The following FNBP1 variants were observed in gnomAD, a reference collection of about 807,000 sequenced individuals.
The protein encoded by FNBP1 is formin binding protein 1.
A neutral mutation model predicts 90.6 loss-of-function variants in FNBP1; 26 were observed. The ratio of observed to expected loss-of-function variants is 0.29; its 90% CI spans 0.21 to 0.40. The LOEUF is 0.40. Among genes scored for constraint, FNBP1 ranks in the 10% least tolerant of loss-of-function variants. The pLI is 1.00. For synonymous variants in FNBP1, 260 were observed against 265.2 expected, an observed-to-expected ratio of 0.98 and a Z score of 0.19; for missense variants, 635 against 768.0, an observed-to-expected ratio of 0.83 and a Z score of 2.05.
chr9:129,889,960 AG>A lies in FNBP1; in HGVS notation c.*578del. The A allele has an allele frequency of 4.2e-6, 1 of 237,532 alleles. No homozygotes were observed. The highest frequency in any genetic ancestry group is 8.3e-6 in the Non-Finnish European group (1 of 120,600). 14.7% of individuals were successfully genotyped at this position (237,532 alleles called of 1,614,324 possible). On this transcript the variant is annotated 3_prime_UTR_variant, in exon 17 of 17. Transcript: ENST00000446176. Reference sequence around the variant, plus strand: ...GCTCCCAGGTTGAGGGCATAGTGAAAGGGTCAATGTTTAGTATGAGGTGCAA... The same window carrying A: ...GCTCCCAGGTTGAGGGCATAGTGAAAGGTCAATGTTTAGTATGAGGTGCAA...
chr9:129,955,528 A>G (rs914146182), intron 6 of FNBP1, among the ~76,000 whole-genome samples: 15 of 149,146 alleles, frequency 1.0e-4, no homozygotes, highest in South Asian at 2.1e-4. Context: ...GAGCCCATAC[A>G]CCACACCAAA....
intron 2 of FNBP1, among the ~76,000 whole-genome samples, chr9:129,980,328 C>T (rs1190513598): frequency 1.3e-5 from 2 of 150,362 alleles, no homozygotes; most frequent in East Asian, 4.0e-4. Context: ...CCATTGCACT[C>T]CAGCCTGGGC....
At chr9:130,043,649 C>A (rs2060013812), upstream of FNBP1, among the ~76,000 whole-genome samples, 1 of 152,234 alleles carries the variant, frequency 6.6e-6, no homozygotes, top group South Asian at 2.1e-4. Context: ...GTCCCGCAGG[C>A]TGGCGCGGTG....
chr9:129,943,273 T>C (rs1028931021), intron 6 of FNBP1, among the ~76,000 whole-genome samples: 2 of 152,170 alleles, frequency 1.3e-5, no homozygotes, highest in Non-Finnish European at 2.9e-5. Flanking sequence ...GCTCCTAGTG[T>C]TTTGCTGATG....
chr9:130,012,405 T>C (rs1463624792), intron 1 of FNBP1, among the ~76,000 whole-genome samples: 2 of 152,072 alleles, frequency 1.3e-5, no homozygotes, highest in Non-Finnish European at 1.5e-5. Flanking sequence ...ATCATCATCA[T>C]TGTCATCAAC....
At chr9:130,036,838 G>A (rs748817829) in intron 1 of FNBP1, among the ~76,000 whole-genome samples, 2 of 152,098 alleles carry the variant, frequency 1.3e-5, no homozygotes, top group Non-Finnish European at 2.9e-5. Flanking sequence ...AAGGTCAGGA[G>A]ATCGAGACCA....
intron 7 of FNBP1, among the ~76,000 whole-genome samples, chr9:129,928,308 A>G (rs1588618658): frequency 6.6e-6 from 1 of 152,340 alleles, no homozygotes; most frequent in South Asian, 2.1e-4. Flanking sequence ...TTAAGTTGGC[A>G]TTTTTATAAC....
rs542595044 is a variant in FNBP1 at position 129,971,734 on chromosome 9, C to T, written c.345+6731G>A. Among the ~76,000 whole-genome samples, 17 of 152,338 alleles carry T rather than the reference C, an allele frequency of 1.1e-4. No homozygotes were observed. The South Asian group carries it at 3.1e-3, about 28-fold the overall frequency. On this transcript the variant is annotated intron_variant, in intron 4 of 16. Coordinates refer to ENST00000446176, the MANE Select transcript of FNBP1 (RefSeq NM_015033.3). ...CTTAAAGATCAAACAGCTGGTAGGG[C>T]TACAAAGGCAAGAATGCCGTACAAC...
At chr9:129,932,629 G>A (rs577541043) in intron 6 of FNBP1, among the ~76,000 whole-genome samples, 9 of 152,038 alleles carry the variant, frequency 5.9e-5, no homozygotes, top group South Asian at 4.2e-4. Context: ...TGGATCTGTC[G>A]GTGCCATTTT....
Position 129,958,542 on chromosome 9 carries a change from A to G in FNBP1, c.357T>C (p.Asp119=). ...CGATGTGCTGCTGTGCTTTACGGCC[A>G]TCGTGAAAGTTCTGCAAAGGGGAAA... ...LKQERKSNFH[D]GRKAQQHIET... Residue 119 remains aspartate (D), a synonymous_variant, in exon 5 of 17, where the codon GAT becomes GAC. Coordinates refer to ENST00000446176, the MANE Select transcript of FNBP1 (RefSeq NM_015033.3). 6.3e-7 allele frequency: 1 copy of G among 1,595,430 alleles called. No homozygotes were observed. Among genetic ancestry groups the G allele is most frequent in the Non-Finnish European group, 8.5e-7 (1 of 1,170,022 alleles).
intron 11 of FNBP1, among the ~76,000 whole-genome samples, chr9:129,915,532 T>G (rs2040128874): frequency 6.6e-6 from 1 of 151,952 alleles, no homozygotes; most frequent in African/African-American, 2.4e-5. Flanking sequence ...CCCGGCTAAT[T>G]TTTTGGTTTT....
intron 1 of FNBP1, among the ~76,000 whole-genome samples, chr9:130,014,540 C>T (rs558705776): frequency 3.3e-5 from 5 of 152,278 alleles, no homozygotes; most frequent in African/African-American, 1.2e-4. Flanking sequence ...GCATGAGCCA[C>T]CGTGCCCAGC....
chr9:130,046,775 C>CA (rs34811454), upstream of FNBP1, among the ~76,000 whole-genome samples: 93 of 83,138 alleles, frequency 1.1e-3, no homozygotes, highest in African/African-American at 2.4e-3. Context: ...GACTTTATCT[C>CA]AAAAAAAAAA....
intron 1 of FNBP1, among the ~76,000 whole-genome samples, chr9:130,028,567 C>G (rs547086413): frequency 1.6e-4 from 24 of 152,248 alleles, no homozygotes; most frequent in African/African-American, 5.5e-4. Context: ...GAACCTCCAG[C>G]TCCACTTATT....
intron 4 of FNBP1, among the ~76,000 whole-genome samples, chr9:129,974,238 G>A (rs1050670769): frequency 3.9e-5 from 6 of 151,960 alleles, no homozygotes; most frequent in African/African-American, 1.2e-4. Context: ...CTACAAACAC[G>A]CACTGCCCCG....
chr9:129,972,128 A>AT (rs2049547541), intron 4 of FNBP1, among the ~76,000 whole-genome samples: 1 of 151,988 alleles, frequency 6.6e-6, no homozygotes, highest in South Asian at 2.1e-4. Flanking sequence ...CCAATTCCAC[A>AT]TTTTATTTAT....
chr9:130,029,977 A>G (rs1389770311), intron 1 of FNBP1, among the ~76,000 whole-genome samples: 1 of 151,546 alleles, frequency 6.6e-6, no homozygotes, highest in Non-Finnish European at 1.5e-5. Context: ...GAGTACAAAC[A>G]AACAAAAATT....
rs56397008 is a variant in FNBP1, at chr9:129,893,637, A to AAAAAAAAAAAAAAAAAAAAAAAAAAAAG, written c.1846+2200_1846+2201insCTTTTTTTTTTTTTTTTTTTTTTTTTTT. Among the ~76,000 whole-genome samples the AAAAAAAAAAAAAAAAAAAAAAAAAAAAG allele has an allele frequency of 1.4e-4, 9 of 62,222 alleles. 2 individuals are homozygous for AAAAAAAAAAAAAAAAAAAAAAAAAAAAG. The highest frequency in any genetic ancestry group is 6.4e-4 in the African/African-American group (7 of 11,000). The allele number at this position is 62,222 out of a possible 152,430, so 40.8% of individuals were successfully genotyped here. ...CAAAAAAAAAAAAAAAAAAAAAAAA[A>AAAAAAAAAAAAAAAAAAAAAAAAAAAAG]GCCAGGCACGGGCTCATGCCTGTAA... is the stretch of plus-strand genomic sequence containing the variant. On this transcript the variant is annotated intron_variant, in intron 16 of 16. Coordinates refer to ENST00000446176, the MANE Select transcript of FNBP1 (RefSeq NM_015033.3).
At chr9:130,007,233 T>C (rs1589225180) in intron 1 of FNBP1, among the ~76,000 whole-genome samples, 1 of 74,532 alleles carries the variant, frequency 1.3e-5, no homozygotes, top group African/African-American at 5.7e-5. Flanking sequence ...CAGAGTGAGA[T>C]CCTGTCAAAA....
Sources: gnomAD v4.1 joint callset for allele counts (sites outside exome capture counted in the v4.1 genomes callset) on GRCh38, gnomAD v4.1.1 for gene constraint, MANE v1.5 for transcripts, NCBI Gene and HGNC (gene_info 2026-07-23, HGNC 2026-07-21) for gene names.